The following ZNF618 variants were observed in gnomAD, a reference collection of about 807,000 sequenced individuals.
ZNF618 encodes the protein zinc finger protein 618, also known as neural precursor cell expressed, developmentally down-regulated 10.
Under a neutral mutation model 103.0 loss-of-function variants are expected in ZNF618, and 34 were observed. That is an observed-to-expected ratio of 0.33 (90% CI 0.25 to 0.44). ZNF618 has a LOEUF of 0.44. ZNF618 is among the 20% of genes least tolerant of loss of function. The pLI, the probability that ZNF618 is intolerant of heterozygous loss-of-function variation, is 1.00. For synonymous variants in ZNF618, 551 were observed against 542.2 expected (o/e 1.02, Z -0.23); for missense variants, 1,059 against 1,295.4 (o/e 0.82, Z 2.80).
intron 13 of ZNF618, among the ~76,000 whole-genome samples, chr9:114,047,557 A>T (rs1372401465): frequency 6.6e-6 from 1 of 152,110 alleles, no homozygotes; most frequent in Admixed American, 6.5e-5. Context: ...TGCAGGGAGT[A>T]GGTGTGGGGT....
intron 1 of ZNF618, among the ~76,000 whole-genome samples, chr9:113,935,306 AC>A (rs1833939739): frequency 1.3e-5 from 2 of 152,164 alleles, no homozygotes; most frequent in Admixed American, 1.3e-4. Context: ...CAGCGGGTTC[AC>A]TAAGAGGAGC....
At position 113,961,089 on chromosome 9, in the gene ZNF618, A is replaced by T. The variant is rs193031944; in HGVS notation, c.34-8028A>T. On this transcript the variant is annotated intron_variant, in intron 1 of 14. Coordinates refer to ENST00000374126, the MANE Select transcript of ZNF618 (RefSeq NM_001318042.2). ...TCCAGCCTGTGTTAGCTTTACCTGCATCTACAGTTTTATTCCCCCTGTCGA... is the reference window on the plus strand; with the variant it reads ...TCCAGCCTGTGTTAGCTTTACCTGCTTCTACAGTTTTATTCCCCCTGTCGA... Among the ~76,000 whole-genome samples, 232 of 152,350 alleles carry T rather than the reference A, an allele frequency of 1.5e-3. 1 individual carries two copies. The highest frequency in any genetic ancestry group is 6.8e-3 in the Middle Eastern group (2 of 294).
At chr9:114,018,830 G>A (rs964339477) in intron 10 of ZNF618, among the ~76,000 whole-genome samples, 1 of 152,156 alleles carries the variant, frequency 6.6e-6, no homozygotes, top group African/African-American at 2.4e-5. Context: ...GGGACTCAGG[G>A]ATCATCTGTG....
Position 114,050,442 on chromosome 9 carries a change from G to T in ZNF618, c.*275G>T. The T allele has an allele frequency of 7.2e-5, 15 of 209,560 alleles. No individual in the cohort carries two copies. Among genetic ancestry groups the T allele is most frequent in the Middle Eastern group, 1.6e-3 (1 of 622 alleles). 13.0% of individuals were successfully genotyped at this position (209,560 alleles called of 1,614,324 possible). On this transcript the variant is annotated 3_prime_UTR_variant, in exon 15 of 15. Transcript: ENST00000374126. ...ATGGCCAGAGAAACTTTGCACACAC[G>T]CACACACACACACACACACACACAC...
At chr9:113,953,834 T>C (rs1428480230) in intron 1 of ZNF618, among the ~76,000 whole-genome samples, 1 of 88,556 alleles carries the variant, frequency 1.1e-5, no homozygotes, top group Non-Finnish European at 2.4e-5. Context: ...AGCCCCTGCC[T>C]GGGAAAGATG....
intron 10 of ZNF618, among the ~76,000 whole-genome samples, chr9:114,025,829 G>C (rs1168325536): frequency 6.6e-6 from 1 of 152,244 alleles, no homozygotes; most frequent in Non-Finnish European, 1.5e-5. Flanking sequence ...TTCTTCAGCA[G>C]TTCTGACTTT....
intron 3 of ZNF618, among the ~76,000 whole-genome samples, chr9:113,990,933 A>G (rs1349767719): frequency 6.6e-6 from 1 of 152,110 alleles, no homozygotes; most frequent in African/African-American, 2.4e-5. Flanking sequence ...TCACTGGTGG[A>G]TTTGTTAGTT....
At chr9:113,882,309 ACT>A (rs1282505326) in intron 1 of ZNF618, among the ~76,000 whole-genome samples, 2 of 152,094 alleles carry the variant, frequency 1.3e-5, no homozygotes, top group Admixed American at 6.5e-5. Context: ...CGGGAAAGTC[ACT>A]CTGGTTCTGG....
intron 1 of ZNF618, among the ~76,000 whole-genome samples, chr9:113,880,535 A>T (rs1828416532): frequency 6.6e-6 from 1 of 152,238 alleles, no homozygotes; most frequent in African/African-American, 2.4e-5. Flanking sequence ...GTGGCCAAAC[A>T]GCATTGTAAA....
At chr9:113,969,209 T>C (rs963912204) in intron 2 of ZNF618, 49 bp downstream of exon 2, 14 of 1,609,386 alleles carry the variant, frequency 8.7e-6, no homozygotes, top group Non-Finnish European at 1.2e-5. Flanking sequence ...GACTCAGGTC[T>C]TCATGACTAA....
chr9:113,878,996 T>A (rs1828232631), intron 1 of ZNF618, among the ~76,000 whole-genome samples: 1 of 152,138 alleles, frequency 6.6e-6, no homozygotes, highest in Admixed American at 6.5e-5. Context: ...CTGACATATT[T>A]GGAATGAGCT....
Position 114,049,556 on chromosome 9 carries a change from G to A in ZNF618, c.2254G>A (p.Glu752Lys), listed in dbSNP as rs769482373. 6.2e-6 allele frequency: 10 copies of A among 1,613,722 alleles called. No individual in the cohort carries two copies. Among genetic ancestry groups the A allele is most frequent in the Non-Finnish European group, 8.5e-6 (10 of 1,179,892 alleles). Residue 752 changes from glutamate to lysine, a missense_variant, in exon 15 of 15, where the codon GAG (glutamate) becomes AAG (lysine). Glu to Lys is a moderately conservative substitution (Grantham distance 56, BLOSUM62 1). Around this residue, in one of 6 missense-constraint regions of ZNF618, gnomAD observed 272 missense variants for 380.1 expected, o/e 0.72. Coordinates refer to ENST00000374126, the MANE Select transcript of ZNF618 (RefSeq NM_001318042.2). Reference sequence around the variant, plus strand: ...GCAGGCAGTCATCGAGCTGAGCAACGAGAGCCAGCCCACCCTGCAGCTGGT... The same window carrying A: ...GCAGGCAGTCATCGAGCTGAGCAACAAGAGCCAGCCCACCCTGCAGCTGGT... The part of the protein sequence containing the change: ...VKQAVIELSN[E>K]SQPTLQLVLP...
intron 14 of ZNF618, 127 bp from the exon 15 acceptor site, chr9:114,048,524 C>A: frequency 2.0e-6 from 2 of 978,900 alleles, no homozygotes; most frequent in Non-Finnish European, 3.0e-6. Flanking sequence ...CAGCACCACC[C>A]ATGTGTGTGC....
chr9:114,008,426 C>T (rs377027507), intron 8 of ZNF618, 47 bp downstream of exon 8: 106 of 1,613,708 alleles, frequency 6.6e-5, no homozygotes, highest in Non-Finnish European at 6.9e-5. Flanking sequence ...CCCGGCTGGG[C>T]TCCTGAGACC....
chr9:113,917,954 C>T (rs1418589374), intron 1 of ZNF618, among the ~76,000 whole-genome samples: 2 of 152,144 alleles, frequency 1.3e-5, no homozygotes, highest in African/African-American at 4.8e-5. Context: ...TAGACCTATT[C>T]ACATTTCACC....
intron 1 of ZNF618, among the ~76,000 whole-genome samples, chr9:113,905,633 G>T (rs1199461275): frequency 6.6e-6 from 1 of 152,198 alleles, no homozygotes; most frequent in Admixed American, 6.5e-5. Context: ...TGAACTGTTC[G>T]TAGCCCTGGA....
In ZNF618 at chr9:114,019,984, A is replaced by G. The variant is rs73658313; in HGVS notation, c.844+3200A>G. 3.0e-3 allele frequency among the ~76,000 whole-genome samples: 450 copies of G among 152,158 alleles called. 2 individuals carry two copies. The highest frequency in any genetic ancestry group is 0.017 in the Middle Eastern group (5 of 294). ...GAAGCCTTGTAATTTTAGCTTTTTC[A>G]TTTATGTCTGTGATATATTTCAACT... On this transcript the variant is annotated intron_variant, in intron 10 of 14. Coordinates refer to ENST00000374126, the MANE Select transcript of ZNF618 (RefSeq NM_001318042.2).
chr9:114,042,745 C>G (rs1251635503), intron 13 of ZNF618, among the ~76,000 whole-genome samples: 1 of 152,186 alleles, frequency 6.6e-6, no homozygotes, highest in African/African-American at 2.4e-5. Flanking sequence ...TGGAGGATCA[C>G]TTGAGCCTGG....
chr9:113,935,674 A>G lies in ZNF618; in HGVS notation c.34-33443A>G, dbSNP rs534110386. On this transcript the variant is annotated intron_variant, in intron 1 of 14. Transcript: ENST00000374126. ...CCTCTACTCTTCTCCTTCGAGCCCA[A>G]TGAGTCTTAATTGGCTCCATCTTTA... 1.2e-4 allele frequency among the ~76,000 whole-genome samples: 19 copies of G among 152,208 alleles called. No homozygotes were observed. The East Asian group carries it at 1.4e-3, about 11-fold the overall frequency.
Sources: gnomAD v4.1 joint callset for allele counts (sites outside exome capture counted in the v4.1 genomes callset) on GRCh38, gnomAD v4.1.1 for gene constraint, gnomAD v4.1.1 regional missense constraint, MANE v1.5 for transcripts, NCBI Gene and HGNC (gene_info 2026-07-23, HGNC 2026-07-21) for gene names.